Variants in DNAH11 observed in about 807,000 individuals in gnomAD.
DNAH11 encodes the protein axonemal beta dynein heavy chain 11.
A neutral mutation model predicts 526.0 loss-of-function variants in DNAH11; 442 were observed. The observed-to-expected ratio is 0.84, with a 90% CI of 0.78 to 0.91. The LOEUF (loss-of-function observed/expected upper bound fraction) is 0.91, where lower values mean the gene tolerates loss of function less well. DNAH11 is among the 40% of genes least tolerant of loss of function. The pLI, the probability that DNAH11 is intolerant of heterozygous loss-of-function variation, is 0.00. For missense variants in DNAH11, 6,989 were observed against 5,448.7 expected (o/e 1.28, Z -8.90); for synonymous variants, 2,461 against 1,935.9 (o/e 1.27, Z -7.12).
intron 54 of DNAH11, among the ~76,000 whole-genome samples, chr7:21,759,866 G>T (rs532864314): frequency 6.6e-6 from 1 of 152,304 alleles, no homozygotes; most frequent in Admixed American, 6.5e-5. Context: ...TAACACCTGT[G>T]TGGGCAAAAG....
chr7:21,593,271 C>T (rs1426743357), intron 14 of DNAH11, among the ~76,000 whole-genome samples: 1 of 152,132 alleles, frequency 6.6e-6, no homozygotes, highest in Admixed American at 6.6e-5. Context: ...CGGAGGCTAA[C>T]CCTCAGATCT....
chr7:21,850,608 CTTTTTTTTTTTT>C (rs3062635), intron 66 of DNAH11, among the ~76,000 whole-genome samples: 1 of 62,658 alleles, frequency 1.6e-5, no homozygotes, highest in African/African-American at 6.5e-5. Flanking sequence ...CTGTCTTCTT[CTTTTTTTTTTTT>C]TTTTTTTTTT....
chr7:21,659,870 T>A (rs1200379477), intron 30 of DNAH11, among the ~76,000 whole-genome samples: 2 of 152,146 alleles, frequency 1.3e-5, no homozygotes, highest in Non-Finnish European at 2.9e-5. Context: ...GTTAACACAT[T>A]TGAAGATTCA....
At chr7:21,738,563 C>G in intron 46 of DNAH11, 138 bp from the exon 47 acceptor site, 4 of 797,432 alleles carry the variant, frequency 5.0e-6, no homozygotes, top group South Asian at 2.0e-5. Context: ...CATCCCGGGT[C>G]TCTTAACCTA....
At chr7:21,652,868 ATATTTATT>A (rs904822579) in intron 28 of DNAH11, among the ~76,000 whole-genome samples, 2 of 151,828 alleles carry the variant, frequency 1.3e-5, no homozygotes, top group Non-Finnish European at 2.9e-5. Context: ...GTTTTTTTTA[ATATTTATT>A]TATTTATTTA....
At chr7:21,765,783 T>A (rs1417751552) in intron 55 of DNAH11, among the ~76,000 whole-genome samples, 194 bp downstream of exon 55, 1 of 152,156 alleles carries the variant, frequency 6.6e-6, no homozygotes, top group African/African-American at 2.4e-5. Flanking sequence ...ATGGCTGACC[T>A]TTTTTCCACC....
At position 21,711,764 on chromosome 7, in the gene DNAH11, T is replaced by G; in HGVS notation, c.6887T>G (p.Leu2296Arg). ...ERIALTPFMR[L>R]LFEIHHLRSA... ...ATTGCACTCACTCCCTTCATGAGGCTTCTGTTTGAGATACATCACTTAAGG... is the reference window on the plus strand; with the variant it reads ...ATTGCACTCACTCCCTTCATGAGGCGTCTGTTTGAGATACATCACTTAAGG... The change falls in exon 42 of 82, where the codon CTT becomes CGT. Residue 2296 changes from leucine (L) to arginine (R), a missense_variant. Coordinates refer to ENST00000409508, the MANE Select transcript of DNAH11 (RefSeq NM_001277115.2). 1.2e-6 allele frequency: 2 copies of G among 1,613,870 alleles called. No homozygotes were observed. The highest frequency in any genetic ancestry group is 1.7e-6 in the Non-Finnish European group (2 of 1,179,804).
Position 21,765,610 on chromosome 7 carries a change from T to TCACA in DNAH11, c.9102+67_9102+70dup, listed in dbSNP as rs3219983. On this transcript the variant is annotated intron_variant, in intron 55 of 81. Transcript: ENST00000409508. ...TTGAGGTATGCCGTGTCAGCCTGCGTCACACACACACACACACACACACAC... is the reference window on the plus strand; with the variant it reads ...TTGAGGTATGCCGTGTCAGCCTGCGTCACACACACACACACACACACACACACAC... 17,644 of 952,366 alleles carry TCACA rather than the reference T, an allele frequency of 0.019. 527 individuals carry two copies. Among genetic ancestry groups the TCACA allele is most frequent in the Admixed American group, 0.038 (1,380 of 36,252 alleles). 59.0% of individuals were successfully genotyped at this position (952,366 alleles called of 1,614,324 possible).
chr7:21,642,768 T>G (rs749529017), intron 28 of DNAH11, among the ~76,000 whole-genome samples: 12 of 152,092 alleles, frequency 7.9e-5, no homozygotes, highest in African/African-American at 2.9e-4. Context: ...CTGCAGTTAA[T>G]TGTGGAATGT....
intron 55 of DNAH11, among the ~76,000 whole-genome samples, 187 bp downstream of exon 55, chr7:21,765,776 G>A (rs751147371): frequency 1.3e-5 from 2 of 152,094 alleles, no homozygotes; most frequent in Admixed American, 1.3e-4. Flanking sequence ...GAATATGATG[G>A]CTGACCTTTT....
intron 28 of DNAH11, among the ~76,000 whole-genome samples, chr7:21,653,150 A>T (rs937648906): frequency 1.3e-5 from 2 of 152,206 alleles, no homozygotes; most frequent in African/African-American, 4.8e-5. Flanking sequence ...TGCTGGGATT[A>T]CAGGTATGAG....
intron 65 of DNAH11, among the ~76,000 whole-genome samples, chr7:21,823,284 T>C (rs1790133013): frequency 6.6e-6 from 1 of 152,100 alleles, no homozygotes; most frequent in Non-Finnish European, 1.5e-5. Context: ...CCCCCCTCGG[T>C]TTTTTCCTAA....
intron 55 of DNAH11, among the ~76,000 whole-genome samples, chr7:21,770,707 AGAAAG>A (rs1787401876): frequency 2.0e-5 from 3 of 152,228 alleles, no homozygotes; most frequent in Non-Finnish European, 2.9e-5. Context: ...CAGTAAAAGA[AGAAAG>A]GAAACAGAAT....
At chr7:21,613,817 A>T (rs907069159) in intron 20 of DNAH11, among the ~76,000 whole-genome samples, 4 of 152,114 alleles carry the variant, frequency 2.6e-5, no homozygotes, top group Non-Finnish European at 5.9e-5. Context: ...GCTGTAGTGC[A>T]GTGGTACAAT....
At chr7:21,621,733 C>A (rs1378258468) in intron 25 of DNAH11, among the ~76,000 whole-genome samples, 3 of 152,056 alleles carry the variant, frequency 2.0e-5, no homozygotes, top group African/African-American at 7.3e-5. Context: ...ACATGATTAT[C>A]TCAATAGATG....
chr7:21,682,323 G>A lies in DNAH11; in HGVS notation c.5460+646G>A, dbSNP rs535309392. ...AGGCAGATCACGAGGTCAGGAGATC[G>A]AGACCATCCTGGCTAACATGGTGAA... On this transcript the variant is annotated intron_variant, in intron 31 of 81. Coordinates refer to ENST00000409508, the MANE Select transcript of DNAH11 (RefSeq NM_001277115.2). Among the ~76,000 whole-genome samples, 71 of 152,046 alleles carry A rather than the reference G, an allele frequency of 4.7e-4. No individual in the cohort carries two copies. The South Asian group carries it at 0.014, about 30-fold the overall frequency.
intron 66 of DNAH11, 59 bp from the exon 67 acceptor site, chr7:21,852,405 TAAA>T (rs55939718): frequency 1.0e-3 from 1,293 of 1,239,472 alleles, no homozygotes; most frequent in Admixed American, 2.8e-3. Context: ...AGACTTCCTC[TAAA>T]AAAAAAAAAA....
intron 65 of DNAH11, among the ~76,000 whole-genome samples, chr7:21,837,016 G>C (rs1016597920): frequency 1.3e-5 from 2 of 152,120 alleles, no homozygotes; most frequent in East Asian, 3.9e-4. Context: ...AATTATCAGG[G>C]AAATGCAAAT....
chr7:21,779,698 T>G (rs1223891404), intron 57 of DNAH11, among the ~76,000 whole-genome samples: 1 of 152,228 alleles, frequency 6.6e-6, no homozygotes, highest in East Asian at 1.9e-4. Flanking sequence ...TACACTGTCT[T>G]TTGTCATCTT....
Sources: gnomAD v4.1 joint callset for allele counts (sites outside exome capture counted in the v4.1 genomes callset) on GRCh38, gnomAD v4.1.1 for gene constraint, MANE v1.5 for transcripts, NCBI Gene and HGNC (gene_info 2026-07-23, HGNC 2026-07-21) for gene names.